XIRP2: variants seen among roughly 807,000 people sequenced by gnomAD.
XIRP2 encodes the protein xin actin-binding repeat-containing protein 2.
Under a neutral mutation model 277.0 loss-of-function variants are expected in XIRP2, and 236 were observed. That is an observed-to-expected ratio of 0.85 (90% CI 0.77 to 0.95). The LOEUF is 0.95. Among genes scored for constraint, XIRP2 ranks in the 40% least tolerant of loss-of-function variants. XIRP2 has a pLI of 0.00. For synonymous variants in XIRP2, 1,490 were observed against 1,416.5 expected, an observed-to-expected ratio of 1.05 and a Z score of -1.17; for missense variants, 4,640 against 4,157.5, an observed-to-expected ratio of 1.12 and a Z score of -3.19.
intron 5 of XIRP2, among the ~76,000 whole-genome samples, chr2:167,218,724 T>G (rs922952463): frequency 1.3e-5 from 2 of 152,176 alleles, no homozygotes; most frequent in African/African-American, 4.8e-5. Context: ...GGTGGGGAGT[T>G]TTCTGTTTTC....
intron 2 of XIRP2, among the ~76,000 whole-genome samples, chr2:167,032,515 C>T (rs2105507017): frequency 6.6e-6 from 1 of 152,204 alleles, no homozygotes; most frequent in South Asian, 2.1e-4. Context: ...AACAGTCAAC[C>T]TGCAGAATGG....
At position 166,903,480 on chromosome 2, in the gene XIRP2, T is replaced by C; in HGVS notation, c.-3T>C. The C allele has an allele frequency of 1.2e-6, 2 of 1,610,292 alleles. No individual in the cohort carries two copies. The highest frequency in any genetic ancestry group is 1.3e-5 in the African/African-American group (1 of 74,920). ...GATATTGCAGGACAACCTGGACCCA[T>C]CCATGTTCCCAATGCAGAAGGGCTC... On this transcript the variant is annotated 5_prime_UTR_variant, in exon 2 of 11. Transcript: ENST00000409195.
At chr2:167,110,662 T>C (rs1278914878) in intron 2 of XIRP2, among the ~76,000 whole-genome samples, 2 of 152,216 alleles carry the variant, frequency 1.3e-5, no homozygotes, top group African/African-American at 2.4e-5. Flanking sequence ...TTGGACTTTT[T>C]TTTATTCCAT....
chr2:166,954,475 G>A (rs1686113919), intron 2 of XIRP2, among the ~76,000 whole-genome samples: 1 of 151,918 alleles, frequency 6.6e-6, no homozygotes, highest in African/African-American at 2.4e-5. Context: ...TGGTGGGAAT[G>A]TAAATTCGTT....
intron 2 of XIRP2, among the ~76,000 whole-genome samples, chr2:166,997,163 A>G (rs566701401): frequency 6.6e-6 from 1 of 152,306 alleles, no homozygotes; most frequent in African/African-American, 2.4e-5. Flanking sequence ...ATATATTTCA[A>G]AAATATGAAA....
In XIRP2 at chr2:167,245,659, C is replaced by G. The variant is rs762807408; in HGVS notation, c.4267C>G (p.Gln1423Glu). Residue 1423 changes from glutamine to glutamate, a missense_variant, in exon 9 of 11, where the codon CAA becomes GAA. Physicochemically the swap from Gln to Glu is conservative, Grantham distance 29. Transcript: ENST00000409195. The part of the protein sequence containing the change: ...IQGGNVKTSR[Q>E]FFESENFDKN... ...AGGTGGCAATGTAAAGACAAGTAGA[C>G]AATTCTTTGAGTCTGAAAATTTTGA... 6.2e-7 allele frequency: 1 copy of G among 1,613,488 alleles called. No homozygotes were observed. The highest frequency in any genetic ancestry group is 1.1e-5 in the South Asian group (1 of 91,062).
At chr2:166,919,142 T>C (rs957244784) in intron 2 of XIRP2, among the ~76,000 whole-genome samples, 7 of 152,144 alleles carry the variant, frequency 4.6e-5, no homozygotes, top group Admixed American at 6.6e-5. Flanking sequence ...CATAATACAG[T>C]GTATTATGTA....
intron 2 of XIRP2, among the ~76,000 whole-genome samples, chr2:167,003,255 C>T (rs1687418746): frequency 6.6e-6 from 1 of 151,628 alleles, no homozygotes; most frequent in African/African-American, 2.4e-5. Flanking sequence ...AATGAGAACC[C>T]TTCCCTTGAA....
At chr2:166,959,198 TA>T (rs1358156339) in intron 2 of XIRP2, among the ~76,000 whole-genome samples, 1 of 151,830 alleles carries the variant, frequency 6.6e-6, no homozygotes, top group Non-Finnish European at 1.5e-5. Flanking sequence ...AAAAGCAGTT[TA>T]AAAGCAAGAA....
intron 2 of XIRP2, among the ~76,000 whole-genome samples, chr2:167,018,052 C>A (rs1327500171): frequency 6.6e-6 from 1 of 152,068 alleles, no homozygotes; most frequent in Non-Finnish European, 1.5e-5. Flanking sequence ...GAACCTCTGG[C>A]TCTAATACCT....
chr2:166,924,640 G>A (rs1054523979), intron 2 of XIRP2, among the ~76,000 whole-genome samples: 7 of 151,896 alleles, frequency 4.6e-5, no homozygotes, highest in African/African-American at 1.5e-4. Context: ...ATGAGAAGAG[G>A]TTTCTTAAGT....
At position 167,210,912 on chromosome 2, in the gene XIRP2, G is replaced by T; in HGVS notation, c.723+17G>T. ...TCTGCTAATGTAAGCTGCTCCTAAT[G>T]GTTTTGCACTAGGCAATGTGCTTAC... On this transcript the variant is annotated intron_variant, in intron 4 of 10. Coordinates refer to ENST00000409195, the MANE Select transcript of XIRP2 (RefSeq NM_152381.6). 6.2e-7 allele frequency: 1 copy of T among 1,613,446 alleles called. No homozygotes were observed. Among genetic ancestry groups the T allele is most frequent in the Admixed American group, 1.7e-5 (1 of 60,000 alleles).
intron 3 of XIRP2, among the ~76,000 whole-genome samples, chr2:167,191,732 A>C (rs1693340662): frequency 6.6e-6 from 1 of 151,616 alleles, no homozygotes; most frequent in African/African-American, 2.4e-5. Flanking sequence ...ACTTTTCACT[A>C]CTCTTTTTTT....
chr2:167,240,786 G>A (rs773452189), intron 7 of XIRP2, 50 bp downstream of exon 7: 20 of 1,528,818 alleles, frequency 1.3e-5, no homozygotes, highest in Non-Finnish European at 1.5e-5. Flanking sequence ...CTATTGATGT[G>A]TTTGATTTTG....
chr2:167,130,152 G>A (rs1691332382), intron 2 of XIRP2, among the ~76,000 whole-genome samples: 1 of 151,762 alleles, frequency 6.6e-6, no homozygotes, highest in Admixed American at 6.6e-5. Context: ...GCCCTCCCCT[G>A]AAATCACCAG....
intron 6 of XIRP2, 116 bp from the exon 7 acceptor site, chr2:167,240,548 T>C (rs1695032929): frequency 4.9e-6 from 4 of 821,236 alleles, no homozygotes; most frequent in Non-Finnish European, 6.1e-6. Flanking sequence ...TTAGCATCTC[T>C]CAATGTACAC....
chr2:167,242,914 G>T lies in XIRP2; in HGVS notation c.1522G>T (p.Glu508Ter). The T allele has an allele frequency of 6.2e-7, 1 of 1,613,606 alleles. No individual in the cohort carries two copies. Among genetic ancestry groups the T allele is most frequent in the Non-Finnish European group, 8.5e-7 (1 of 1,179,898 alleles). The change falls in exon 9 of 11, where the codon GAG (glutamate) becomes TAG (stop). Residue 508 changes from glutamate (E) to a stop codon, truncating the protein, a stop_gained. Transcript: ENST00000409195. LOFTEE classifies it high-confidence loss of function. ...CCGTTTATATAAACACATCCATCCT[G>T]AGTTAAGAAAAAACTTAGAAAAAGA... is the stretch of plus-strand genomic sequence containing the variant. ...LNRLYKHIHP[E>*]LRKNLEKDYI...
intron 3 of XIRP2, among the ~76,000 whole-genome samples, chr2:167,174,931 G>A (rs1692796480): frequency 6.6e-6 from 1 of 152,106 alleles, no homozygotes; most frequent in African/African-American, 2.4e-5. Flanking sequence ...TAATTTAATT[G>A]CACTGTGGTC....
chr2:167,137,544 T>C (rs766522338), intron 3 of XIRP2, among the ~76,000 whole-genome samples: 1 of 152,174 alleles, frequency 6.6e-6, no homozygotes, highest in Non-Finnish European at 1.5e-5. Flanking sequence ...GATAATTAAC[T>C]CCACTCATCA....
Sources: gnomAD v4.1 joint callset for allele counts (sites outside exome capture counted in the v4.1 genomes callset) on GRCh38, gnomAD v4.1.1 for gene constraint, MANE v1.5 for transcripts, NCBI Gene and HGNC (gene_info 2026-07-23, HGNC 2026-07-21) for gene names.